The following WDR70 variants were observed in gnomAD, a reference collection of about 807,000 sequenced individuals.
The protein encoded by WDR70 is WD repeat-containing protein 70.
WDR70 carries 53 observed loss-of-function variants against 88.6 expected under a neutral mutation model. That is an observed-to-expected ratio of 0.60 (90% CI 0.48 to 0.75). The LOEUF (loss-of-function observed/expected upper bound fraction) is 0.75, where lower values mean the gene tolerates loss of function less well. Ranked by LOEUF, WDR70 falls within the 30% of genes least tolerant of loss-of-function variation. WDR70 has a pLI of 0.00. For missense variants in WDR70, 610 were observed against 823.2 expected (o/e 0.74, Z 3.17); for synonymous variants, 280 against 270.0 (o/e 1.04, Z -0.36).
intron 17 of WDR70, among the ~76,000 whole-genome samples, chr5:37,742,224 G>A (rs1748502591): frequency 6.9e-6 from 1 of 145,688 alleles, no homozygotes; most frequent in Admixed American, 6.9e-5. Flanking sequence ...AAGGGTTCCA[G>A]TTTCTCTGCA....
rs1747948341 is a variant in WDR70 at position 37,725,645 on chromosome 5, A to G, written c.1714+595A>G. The stretch of plus-strand genomic sequence containing the variant: ...TTTGGTCTGCTCCTTCAGCATAGAA[A>G]ACATTTTGCATATCTATCTTAATTA... On this transcript the variant is annotated intron_variant, in intron 16 of 17. Transcript: ENST00000265107. 2.0e-5 allele frequency among the ~76,000 whole-genome samples: 3 copies of G among 152,130 alleles called. No homozygotes were observed. In the South Asian group the frequency reaches 6.2e-4, roughly 32 times the overall value.
At chr5:37,422,367 A>AC (rs34867386) in intron 5 of WDR70, among the ~76,000 whole-genome samples, 147,183 of 151,522 alleles carry the variant, frequency 0.97, 71,642 homozygotes, top group East Asian at 1. Flanking sequence ...ATATCGACTT[A>AC]TGCAATCTCC....
At chr5:37,422,634 C>T (rs1354058970) in intron 5 of WDR70, among the ~76,000 whole-genome samples, 1 of 151,990 alleles carries the variant, frequency 6.6e-6, no homozygotes, top group East Asian at 1.9e-4. Flanking sequence ...CATGCCACCA[C>T]ACCCAGCTAA....
At chr5:37,641,452 T>A (rs1275058410) in intron 10 of WDR70, among the ~76,000 whole-genome samples, 2 of 139,608 alleles carry the variant, frequency 1.4e-5, no homozygotes, top group African/African-American at 5.4e-5. Context: ...ACTCTCCCTC[T>A]GTCACCCAGG....
At chr5:37,547,297 C>T (rs1742027357) in intron 9 of WDR70, among the ~76,000 whole-genome samples, 1 of 152,110 alleles carries the variant, frequency 6.6e-6, no homozygotes, top group Non-Finnish European at 1.5e-5. Context: ...CTTTGCAGTT[C>T]TTGAAGTTCA....
intron 10 of WDR70, among the ~76,000 whole-genome samples, chr5:37,619,542 T>A (rs1744448103): frequency 6.6e-6 from 1 of 152,204 alleles, no homozygotes; most frequent in Non-Finnish European, 1.5e-5. Flanking sequence ...AAATGTTAAA[T>A]GTTCACTTAA....
chr5:37,509,147 C>G (rs1208466404), intron 8 of WDR70, among the ~76,000 whole-genome samples: 2 of 151,924 alleles, frequency 1.3e-5, no homozygotes, highest in African/African-American at 4.8e-5. Context: ...AAAAGTTTAT[C>G]AACTTTATTG....
At chr5:37,723,285 C>T in intron 15 of WDR70, 1 of 233,312 alleles carries the variant, frequency 4.3e-6, no homozygotes. Flanking sequence ...CCAGTTCCAC[C>T]ACTGAGTGGC....
At chr5:37,428,507 T>G (rs74950070) in intron 5 of WDR70, among the ~76,000 whole-genome samples, 43 of 152,364 alleles carry the variant, frequency 2.8e-4, no homozygotes, top group African/African-American at 1.0e-3. Context: ...TAGAATTTTA[T>G]ATAAATGGAA....
intron 4 of WDR70, among the ~76,000 whole-genome samples, chr5:37,392,892 G>A (rs1237663834): frequency 7.9e-5 from 12 of 151,974 alleles, no homozygotes; most frequent in African/African-American, 2.7e-4. Flanking sequence ...TGATCTGCTC[G>A]CCTCAGCCTC....
intron 13 of WDR70, among the ~76,000 whole-genome samples, chr5:37,712,150 A>T (rs6896216): frequency 1.3e-5 from 2 of 151,926 alleles, no homozygotes; most frequent in Non-Finnish European, 2.9e-5. Context: ...CTGCCACCGC[A>T]CCTGGCTAAT....
rs181218043 is a variant in WDR70, at chr5:37,449,531, G to T, written c.686+6159G>T. Among the ~76,000 whole-genome samples the T allele has an allele frequency of 2.0e-5, 3 of 150,514 alleles. No individual in the cohort carries two copies. In the East Asian group the frequency reaches 5.8e-4, roughly 29 times the overall value. ...CGCTTGAACCCAGAAGGTGGAGGTT[G>T]CAGTGAGCTGAGATTGTGCCATTGC... On this transcript the variant is annotated intron_variant, in intron 7 of 17. Transcript: ENST00000265107.
intron 10 of WDR70, among the ~76,000 whole-genome samples, chr5:37,672,560 C>T (rs371195770): frequency 6.6e-6 from 1 of 152,098 alleles, no homozygotes; most frequent in African/African-American, 2.4e-5. Context: ...ATAAATCTGG[C>T]CTATGTGCAC....
chr5:37,397,944 C>T (rs570469995), intron 5 of WDR70, among the ~76,000 whole-genome samples: 25 of 148,964 alleles, frequency 1.7e-4, no homozygotes, highest in African/African-American at 5.0e-4. Context: ...TGCAGTGAGC[C>T]GAGATTGCAC....
chr5:37,563,089 G>C (rs750658061), intron 9 of WDR70, among the ~76,000 whole-genome samples: 16 of 37,166 alleles, frequency 4.3e-4, no homozygotes, highest in South Asian at 1.2e-3. Flanking sequence ...GACCCCCCCC[G>C]CCTCCCTCCC....
chr5:37,445,210 C>G (rs1738418927), intron 7 of WDR70, among the ~76,000 whole-genome samples: 1 of 151,264 alleles, frequency 6.6e-6, no homozygotes, highest in South Asian at 2.1e-4. Context: ...AAGGTAAATC[C>G]CTGGATTAAG....
intron 13 of WDR70, among the ~76,000 whole-genome samples, chr5:37,707,356 G>C (rs1747357873): frequency 1.3e-5 from 2 of 152,122 alleles, no homozygotes; most frequent in Admixed American, 1.3e-4. Context: ...GAGGGAAAAG[G>C]AGGAAAGGAA....
intron 10 of WDR70, among the ~76,000 whole-genome samples, chr5:37,678,978 C>T (rs1279787932): frequency 0.077 from 6,416 of 83,098 alleles, no homozygotes; most frequent in Non-Finnish European, 0.08. Flanking sequence ...TCATTTCATT[C>T]ATTTCATCTT....
At chr5:37,679,795 C>G (rs1165995730) in intron 10 of WDR70, among the ~76,000 whole-genome samples, 1 of 152,210 alleles carries the variant, frequency 6.6e-6, no homozygotes, top group Non-Finnish European at 1.5e-5. Flanking sequence ...GTCTGCAGAG[C>G]TTACTCCTGT....
Sources: gnomAD v4.1 joint callset for allele counts (sites outside exome capture counted in the v4.1 genomes callset) on GRCh38, gnomAD v4.1.1 for gene constraint, MANE v1.5 for transcripts, NCBI Gene and HGNC (gene_info 2026-07-23, HGNC 2026-07-21) for gene names.